The following SYN3 variants were observed in gnomAD, a reference collection of about 807,000 sequenced individuals.
SYN3 encodes the protein synapsin-3.
A neutral mutation model predicts 65.8 loss-of-function variants in SYN3; 35 were observed. The ratio of observed to expected loss-of-function variants is 0.53; its 90% CI spans 0.41 to 0.70. The LOEUF is 0.70. SYN3 is among the 30% of genes least tolerant of loss of function. SYN3 has a pLI of 0.00. For synonymous variants in SYN3, 270 were observed against 292.9 expected, an observed-to-expected ratio of 0.92 and a Z score of 0.80; for missense variants, 680 against 749.0, an observed-to-expected ratio of 0.91 and a Z score of 1.08.
chr22:32,612,230 A>C (rs1009161036), intron 6 of SYN3, among the ~76,000 whole-genome samples: 3 of 152,234 alleles, frequency 2.0e-5, no homozygotes, highest in Non-Finnish European at 4.4e-5. Flanking sequence ...ATAGCAAATT[A>C]TCAAATATGA....
chr22:32,687,814 A>G (rs1284785124), intron 6 of SYN3, among the ~76,000 whole-genome samples: 1 of 152,136 alleles, frequency 6.6e-6, no homozygotes, highest in Admixed American at 6.5e-5. Context: ...AATTCCAAAG[A>G]ATCCCTGTGG....
intron 1 of SYN3, among the ~76,000 whole-genome samples, chr22:33,052,596 A>AAG (rs1346158327): frequency 3.3e-5 from 5 of 151,560 alleles, no homozygotes; most frequent in Admixed American, 6.6e-5. Flanking sequence ...AAAAAAAAAA[A>AAG]AGAGAGAGAG....
chr22:32,516,089 C>T lies in SYN3; in HGVS notation c.1610+1954G>A, dbSNP rs761463650. Among the ~76,000 whole-genome samples the T allele has an allele frequency of 2.1e-3, 322 of 152,336 alleles. 3 individuals carry two copies. Among genetic ancestry groups the T allele is most frequent in the Non-Finnish European group, 3.3e-3 (227 of 68,028 alleles). On this transcript the variant is annotated intron_variant, in intron 13 of 13. Coordinates refer to ENST00000358763, the MANE Select transcript of SYN3 (RefSeq NM_003490.4). ...TTGGGATTACAGGCATGAGCCATCGCATCCAGCCCAGGATTTATTATTAAA... is the reference window on the plus strand; with the variant it reads ...TTGGGATTACAGGCATGAGCCATCGTATCCAGCCCAGGATTTATTATTAAA...
rs1427044547 is a variant in SYN3, at chr22:32,508,982, AGT to A, written c.*4708_*4709del. ...CTTAAATTTTGGAAAGATAGAATTG[AGT>A]GTTAGTTCTATCTTGAATGTATCTG... is the stretch of plus-strand genomic sequence containing the variant. On this transcript the variant is annotated 3_prime_UTR_variant, in exon 14 of 14. Coordinates refer to ENST00000358763, the MANE Select transcript of SYN3 (RefSeq NM_003490.4). Among the ~76,000 whole-genome samples the A allele has an allele frequency of 1.3e-5, 2 of 152,202 alleles. No homozygotes were observed. Among genetic ancestry groups the A allele is most frequent in the Non-Finnish European group, 2.9e-5 (2 of 68,050 alleles).
chr22:32,898,756 G>T (rs1035033177), intron 4 of SYN3, among the ~76,000 whole-genome samples: 2 of 152,174 alleles, frequency 1.3e-5, no homozygotes, highest in Non-Finnish European at 2.9e-5. Flanking sequence ...TATGACCTGT[G>T]TGACTGTAGG....
intron 6 of SYN3, among the ~76,000 whole-genome samples, chr22:32,721,893 T>C (rs1388258438): frequency 6.6e-6 from 1 of 152,188 alleles, no homozygotes; most frequent in Admixed American, 6.5e-5. Flanking sequence ...ACATTTGAAC[T>C]GGAACCTGAC....
intron 4 of SYN3, among the ~76,000 whole-genome samples, chr22:32,930,051 T>C (rs546635674): frequency 1.1e-3 from 168 of 152,286 alleles, no homozygotes; most frequent in Non-Finnish European, 1.7e-3. Flanking sequence ...TTACTGGAAA[T>C]AGGAAGCCAA....
At chr22:32,845,194 T>C (rs1282619949) in intron 6 of SYN3, among the ~76,000 whole-genome samples, 2 of 152,076 alleles carry the variant, frequency 1.3e-5, no homozygotes, top group African/African-American at 4.8e-5. Context: ...ACTAGTCCTC[T>C]AGCCATAAAC....
intron 6 of SYN3, among the ~76,000 whole-genome samples, chr22:32,779,315 C>G (rs375895426): frequency 6.6e-6 from 1 of 152,086 alleles, no homozygotes; most frequent in South Asian, 2.1e-4. Context: ...CACAAATTAG[C>G]CGGGCATGAT....
intron 1 of SYN3, among the ~76,000 whole-genome samples, chr22:33,012,360 T>C (rs1178347049): frequency 6.6e-6 from 1 of 152,272 alleles, no homozygotes; most frequent in African/African-American, 2.4e-5. Context: ...TTTGTGATTC[T>C]TGAACACAGT....
intron 6 of SYN3, among the ~76,000 whole-genome samples, chr22:32,672,034 G>GT (rs2060378669): frequency 6.6e-6 from 1 of 152,234 alleles, no homozygotes; most frequent in South Asian, 2.1e-4. Flanking sequence ...AGCAGCAGTT[G>GT]TTACAGAGAA....
chr22:32,959,017 A>C (rs965982986), intron 3 of SYN3, among the ~76,000 whole-genome samples: 11 of 152,036 alleles, frequency 7.2e-5, no homozygotes, highest in African/African-American at 2.7e-4. Context: ...ACATGGTGAA[A>C]CCCCATCTCT....
At chr22:32,647,221 A>G (rs139374649) in intron 6 of SYN3, among the ~76,000 whole-genome samples, 207 of 152,218 alleles carry the variant, frequency 1.4e-3, no homozygotes, top group Non-Finnish European at 2.3e-3. Flanking sequence ...CAAGGGGGTC[A>G]GCAGAGGAGG....
chr22:32,988,287 C>G lies in SYN3; in HGVS notation c.312-7585G>C, dbSNP rs181916774. On this transcript the variant is annotated intron_variant, in intron 2 of 13. Transcript: ENST00000358763. ...TCGCCACTGCACTCCAGTCTGGCAACAGAGCAAGACTCTGTCTCAAAATAA... is the reference window on the plus strand; with the variant it reads ...TCGCCACTGCACTCCAGTCTGGCAAGAGAGCAAGACTCTGTCTCAAAATAA... Among the ~76,000 whole-genome samples, 1,118 of 148,350 alleles carry G rather than the reference C, an allele frequency of 7.5e-3. 18 individuals are homozygous for G. Among genetic ancestry groups the G allele is most frequent in the African/African-American group, 0.027 (1,070 of 40,182 alleles).
At position 32,960,756 on chromosome 22, in the gene SYN3, A is replaced by G. The variant is rs145654759; in HGVS notation, c.369+19889T>C. Among the ~76,000 whole-genome samples, 37 of 152,220 alleles carry G rather than the reference A, an allele frequency of 2.4e-4. No homozygotes were observed. The East Asian group carries it at 7.2e-3, about 30-fold the overall frequency. Reference sequence around the variant, plus strand: ...ACTGACCAGTGTGGATCATGTCACAAACAGTGCTGAGCGTGGGGTCAGACG... The same window carrying G: ...ACTGACCAGTGTGGATCATGTCACAGACAGTGCTGAGCGTGGGGTCAGACG... On this transcript the variant is annotated intron_variant, in intron 3 of 13. Coordinates refer to ENST00000358763, the MANE Select transcript of SYN3 (RefSeq NM_003490.4).
In SYN3 at chr22:32,801,789, G is replaced by GGCCGCCCGCCGAGTC. The variant is rs564293460; in HGVS notation, c.711+63111_711+63125dup. On this transcript the variant is annotated intron_variant, in intron 6 of 13. Transcript: ENST00000358763. The surrounding 1 kb of genome is among the most constrained non-coding windows in gnomAD (Gnocchi z 4.7). ...TCCAGCTCCTGCTCCTTCGCCGGGA[G>GGCCGCCCGCCGAGTC]GCCGCCCGCCGAGTCCTGCGCCAGC... 5.4e-3 allele frequency: 2,059 copies of GGCCGCCCGCCGAGTC among 378,804 alleles called. 4 individuals are homozygous for GGCCGCCCGCCGAGTC. The highest frequency in any genetic ancestry group is 9.1e-3 in the Middle Eastern group (10 of 1,100). 23.5% of individuals were successfully genotyped at this position (378,804 alleles called of 1,614,324 possible).
intron 6 of SYN3, among the ~76,000 whole-genome samples, chr22:32,691,544 C>T (rs1284842008): frequency 6.6e-6 from 1 of 152,194 alleles, no homozygotes; most frequent in East Asian, 1.9e-4. Flanking sequence ...GTTACTTCTA[C>T]ATCCACCCGC....
intron 1 of SYN3, among the ~76,000 whole-genome samples, chr22:33,031,177 T>C (rs2053749593): frequency 6.6e-6 from 1 of 152,162 alleles, no homozygotes; most frequent in African/African-American, 2.4e-5. Flanking sequence ...TACTGAGTAA[T>C]TGGGTGAGTT....
At chr22:32,749,853 A>C (rs1012719933) in intron 6 of SYN3, among the ~76,000 whole-genome samples, 1 of 152,166 alleles carries the variant, frequency 6.6e-6, no homozygotes, top group African/African-American at 2.4e-5. Context: ...TTCCAGGTCA[A>C]ACTTAGCATG....
Sources: allele counts gnomAD v4.1 joint callset (sites outside exome capture counted in the v4.1 genomes callset), GRCh38; gene constraint gnomAD v4.1.1; non-coding constraint Gnocchi (gnomAD v3.1); transcripts MANE v1.5; gene names NCBI Gene and HGNC (gene_info 2026-07-23, HGNC 2026-07-21).